CSMD1: variants seen among roughly 807,000 people sequenced by gnomAD.
The protein encoded by CSMD1 is CUB and Sushi multiple domains 1.
A neutral mutation model predicts 417.5 loss-of-function variants in CSMD1; 213 were observed. The observed-to-expected ratio is 0.51, with a 90% CI of 0.46 to 0.57. The LOEUF (loss-of-function observed/expected upper bound fraction) is 0.57. CSMD1 is among the 20% of genes least tolerant of loss of function. The pLI, the probability that CSMD1 is intolerant of heterozygous loss-of-function variation, is 0.00. For synonymous variants in CSMD1, 2,862 were observed against 1,736.8 expected (o/e 1.65, Z -16.11); for missense variants, 6,923 against 4,529.7 (o/e 1.53, Z -15.17).
intron 3 of CSMD1, among the ~76,000 whole-genome samples, chr8:4,056,995 T>C (rs1798729886): frequency 6.6e-6 from 1 of 152,212 alleles, no homozygotes. Context: ...GCAATAAACA[T>C]ACGTGTGCAT....
chr8:4,656,072 A>T (rs1804211313), intron 1 of CSMD1, among the ~76,000 whole-genome samples: 1 of 152,142 alleles, frequency 6.6e-6, no homozygotes, highest in Non-Finnish European at 1.5e-5. Flanking sequence ...TGTAGGGCAC[A>T]GTAATGGGAA....
intron 5 of CSMD1, among the ~76,000 whole-genome samples, chr8:3,841,465 A>C (rs906066610): frequency 6.6e-6 from 1 of 152,140 alleles, no homozygotes; most frequent in African/African-American, 2.4e-5. Flanking sequence ...TGCAAGACCA[A>C]GCACTGCATT....
intron 3 of CSMD1, among the ~76,000 whole-genome samples, chr8:4,345,838 C>T (rs1800747855): frequency 6.6e-6 from 1 of 152,096 alleles, no homozygotes; most frequent in African/African-American, 2.4e-5. Context: ...GAGCAGCGAC[C>T]TACATTGGAG....
chr8:3,374,090 T>A lies in CSMD1; in HGVS notation c.2783-4720A>T, dbSNP rs143305457. Reference sequence around the variant, plus strand: ...CCCTCAGCCTCCTCAATAGCTGGGATTACACACATGTATCACCACAGCCAG... The same window carrying A: ...CCCTCAGCCTCCTCAATAGCTGGGAATACACACATGTATCACCACAGCCAG... On this transcript the variant is annotated intron_variant, in intron 18 of 69. Transcript: ENST00000635120. 2.1e-3 allele frequency among the ~76,000 whole-genome samples: 318 copies of A among 152,078 alleles called. 2 individuals are homozygous for A. The highest frequency in any genetic ancestry group is 7.4e-3 in the African/African-American group (308 of 41,508).
intron 5 of CSMD1, among the ~76,000 whole-genome samples, chr8:3,808,940 T>C (rs767150212): frequency 3.9e-4 from 60 of 152,248 alleles, no homozygotes; most frequent in Non-Finnish European, 6.6e-4. Context: ...TAGTGCTATG[T>C]AGAGGGGTCG....
At chr8:3,816,673 T>C (rs1329606604) in intron 5 of CSMD1, among the ~76,000 whole-genome samples, 1 of 152,186 alleles carries the variant, frequency 6.6e-6, no homozygotes, top group African/African-American at 2.4e-5. Flanking sequence ...ATATTTAAGA[T>C]GGATATCTCA....
At chr8:3,464,005 G>C (rs962768739) in intron 12 of CSMD1, among the ~76,000 whole-genome samples, 3 of 152,114 alleles carry the variant, frequency 2.0e-5, no homozygotes, top group African/African-American at 4.8e-5. Context: ...GTATGAAATG[G>C]TGATGCTGAA....
intron 4 of CSMD1, among the ~76,000 whole-genome samples, chr8:4,022,616 C>G (rs1342547067): frequency 6.6e-6 from 1 of 152,100 alleles, no homozygotes; most frequent in Admixed American, 6.5e-5. Flanking sequence ...TTGCGACAGT[C>G]CTAGAAACCA....
At position 2,950,182 on chromosome 8, in the gene CSMD1, G is replaced by C. The variant is rs561750597; in HGVS notation, c.10314+49C>G. ...CGTAGCCCTTGCATCTGCACAGAGA[G>C]ATGATTAGAAAGCCTGTGCTTTGTC... is the stretch of plus-strand genomic sequence containing the variant. On this transcript the variant is annotated intron_variant, in intron 67 of 69. Coordinates refer to ENST00000635120, the MANE Select transcript of CSMD1 (RefSeq NM_033225.6). The C allele has an allele frequency of 9.1e-6, 11 of 1,206,390 alleles. No individual in the cohort carries two copies. The African/African-American group carries it at 1.2e-4, about 13-fold the overall frequency. The allele number at this position is 1,206,390 out of a possible 1,614,324, so 74.7% of individuals were successfully genotyped here.
intron 25 of CSMD1, among the ~76,000 whole-genome samples, chr8:3,304,698 AC>A (rs1435985122): frequency 3.1e-4 from 46 of 148,172 alleles, no homozygotes; most frequent in Admixed American, 9.7e-4. Flanking sequence ...TAAAAACTGC[AC>A]GTTTTTATTC....
intron 5 of CSMD1, among the ~76,000 whole-genome samples, chr8:3,902,591 C>T (rs1429830930): frequency 1.3e-5 from 2 of 152,072 alleles, no homozygotes; most frequent in Admixed American, 1.3e-4. Context: ...GTTCACGATC[C>T]TATGAAAATC....
At chr8:4,310,848 A>C (rs752118356) in intron 3 of CSMD1, among the ~76,000 whole-genome samples, 3 of 152,188 alleles carry the variant, frequency 2.0e-5, no homozygotes, top group African/African-American at 4.8e-5. Context: ...TCTCAAAAGA[A>C]ATGCCTTCTT....
chr8:4,812,877 C>T (rs1798989423), intron 1 of CSMD1, among the ~76,000 whole-genome samples: 1 of 152,134 alleles, frequency 6.6e-6, no homozygotes, highest in Non-Finnish European at 1.5e-5. Context: ...TGTTTTATTA[C>T]ACCCTTGAGA....
intron 37 of CSMD1, among the ~76,000 whole-genome samples, chr8:3,168,276 A>C (rs1437157920): frequency 1.3e-5 from 2 of 152,130 alleles, no homozygotes; most frequent in African/African-American, 4.8e-5. Context: ...AATTTTGAAA[A>C]GACAACAACT....
rs577800257 is a variant in CSMD1, at chr8:4,163,713, G to T, written c.416-131614C>A. Among the ~76,000 whole-genome samples, 31 of 152,234 alleles carry T rather than the reference G, an allele frequency of 2.0e-4. No homozygotes were observed. The South Asian group carries it at 4.6e-3, about 22-fold the overall frequency. ...TAAATAATAAAATTTTTTTATGGTG[G>T]ATGTGATGATCTTGATTAATCAGTA... On this transcript the variant is annotated intron_variant, in intron 3 of 69. Coordinates refer to ENST00000635120, the MANE Select transcript of CSMD1 (RefSeq NM_033225.6).
intron 5 of CSMD1, among the ~76,000 whole-genome samples, chr8:3,952,444 A>G (rs761189034): frequency 7.9e-5 from 12 of 152,248 alleles, no homozygotes; most frequent in South Asian, 2.1e-4. Context: ...ATTTTCATAA[A>G]TTAATTGATT....
chr8:4,287,519 T>A (rs571063759), intron 3 of CSMD1, among the ~76,000 whole-genome samples: 35 of 152,220 alleles, frequency 2.3e-4, no homozygotes, highest in African/African-American at 8.2e-4. Context: ...ACACCACACA[T>A]GTTGCAGCTT....
intron 3 of CSMD1, among the ~76,000 whole-genome samples, chr8:4,287,058 C>A (rs568861768): frequency 1.3e-5 from 2 of 152,302 alleles, no homozygotes; most frequent in Admixed American, 1.3e-4. Flanking sequence ...TACACTAAGG[C>A]TTAGTAACTT....
intron 36 of CSMD1, among the ~76,000 whole-genome samples, chr8:3,187,164 A>G (rs1796103490): frequency 1.3e-5 from 2 of 152,224 alleles, no homozygotes; most frequent in South Asian, 2.1e-4. Flanking sequence ...CGCAATACTG[A>G]TCATCATCAC....
Sources: allele counts gnomAD v4.1 joint callset (sites outside exome capture counted in the v4.1 genomes callset), GRCh38; gene constraint gnomAD v4.1.1; transcripts MANE v1.5; gene names NCBI Gene and HGNC (gene_info 2026-07-23, HGNC 2026-07-21).